SLC2A12: variants seen among roughly 807,000 people sequenced by gnomAD.
SLC2A12 encodes solute carrier family 2, facilitated glucose transporter member 12.
SLC2A12 carries 23 observed loss-of-function variants against 41.8 expected under a neutral mutation model. The observed-to-expected ratio is 0.55, with a 90% confidence interval of 0.40 to 0.78. The LOEUF is 0.78. SLC2A12 is among the 30% of genes least tolerant of loss of function. The pLI, the probability that SLC2A12 is intolerant of heterozygous loss-of-function variation, is 0.00. For synonymous variants in SLC2A12, 295 were observed against 285.9 expected, an observed-to-expected ratio of 1.03 and a Z score of -0.32; for missense variants, 654 against 745.6, an observed-to-expected ratio of 0.88 and a Z score of 1.43.
At chr6:134,046,717 A>G (rs1459275447) in intron 1 of SLC2A12, among the ~76,000 whole-genome samples, 1 of 152,152 alleles carries the variant, frequency 6.6e-6, no homozygotes, top group Non-Finnish European at 1.5e-5. Context: ...TGGCTGAGGC[A>G]CGAAAACTGC....
chr6:134,006,770 T>G, intron 3 of SLC2A12, 42 bp downstream of exon 3: 1 of 1,611,164 alleles, frequency 6.2e-7, no homozygotes, highest in Non-Finnish European at 8.5e-7. Flanking sequence ...ACATTTGTCC[T>G]ACGAGGACCA....
chr6:134,012,126 T>C (rs1468538863), intron 2 of SLC2A12, among the ~76,000 whole-genome samples: 1 of 152,230 alleles, frequency 6.6e-6, no homozygotes, highest in Admixed American at 6.5e-5. Flanking sequence ...CTTTAATTTC[T>C]TGTTCTTTTT....
Position 134,028,537 on chromosome 6 carries a change from C to T in SLC2A12, c.1288G>A (p.Gly430Arg). ...AGCAAGGATGCTGAGGTCGTCTCCC[C>T]TCTCTTATCCACATCATTTCTCAGG... ...MPLRNDVDKR[G>R]ETTSASLLNA... Residue 430 changes from glycine (G) to arginine (R), a missense_variant, in exon 2 of 5, where the codon GGG becomes AGG. Around this residue, in one of 3 missense-constraint regions of SLC2A12, gnomAD observed 411 missense variants for 412.1 expected, o/e 1.00. Transcript: ENST00000275230. The T allele has an allele frequency of 1.2e-6, 2 of 1,614,166 alleles. No homozygotes were observed. The highest frequency in any genetic ancestry group is 1.7e-6 in the Non-Finnish European group (2 of 1,180,014).
chr6:133,991,029 G>A lies in SLC2A12; in HGVS notation c.*126C>T. 1.8e-6 allele frequency: 2 copies of A among 1,112,972 alleles called. No homozygotes were observed. Among genetic ancestry groups the A allele is most frequent in the Non-Finnish European group, 2.5e-6 (2 of 797,410 alleles). The allele number at this position is 1,112,972 out of a possible 1,614,324, so 68.9% of individuals were successfully genotyped here. On this transcript the variant is annotated 3_prime_UTR_variant, in exon 5 of 5. Coordinates refer to ENST00000275230, the MANE Select transcript of SLC2A12 (RefSeq NM_145176.3). ...ATTAAAGGCTGTCTTTATCATTTCA[G>A]AGTGTCTCTTCAAAACCAGTTCCAT...
chr6:134,046,080 C>G lies in SLC2A12; in HGVS notation c.103+6298G>C, dbSNP rs968993990. On this transcript the variant is annotated intron_variant, in intron 1 of 4. Coordinates refer to ENST00000275230, the MANE Select transcript of SLC2A12 (RefSeq NM_145176.3). ...ACCCTAATTACAACTTCCATTTCCCCTGTTCTTGAAAAACTTTGCACATCT... is the reference window on the plus strand; with the variant it reads ...ACCCTAATTACAACTTCCATTTCCCGTGTTCTTGAAAAACTTTGCACATCT... Among the ~76,000 whole-genome samples the G allele has an allele frequency of 6.6e-5, 10 of 152,202 alleles. 1 individual carries two copies. The highest frequency in any genetic ancestry group is 3.9e-4 in the Admixed American group (6 of 15,286).
In SLC2A12 at chr6:134,029,511, C is replaced by G. The variant is rs151033848; in HGVS notation, c.314G>C (p.Gly105Ala). The G allele has an allele frequency of 6.2e-7, 1 of 1,614,180 alleles. No individual in the cohort carries two copies. The highest frequency in any genetic ancestry group is 1.3e-5 in the African/African-American group (1 of 75,038). The change falls in exon 2 of 5, where the codon GGA (glycine) becomes GCA (alanine). Residue 105 changes from glycine (G) to alanine (A), a missense_variant. Gly to Ala is a moderately conservative substitution (Grantham distance 60). Around this residue, in one of 3 missense-constraint regions of SLC2A12, gnomAD observed 109 missense variants for 153.0 expected, o/e 0.71. Transcript: ENST00000275230. ...LTGGVLIDRYGRRTAIILSSC... is the reference protein window; with the variant it reads ...LTGGVLIDRYARRTAIILSSC... ...TGACAAGATGATTGCTGTCCTTCTT[C>G]CATATCTGTCTATCAGGACCCCTCC...
intron 2 of SLC2A12, among the ~76,000 whole-genome samples, chr6:134,010,511 T>C (rs150674869): frequency 2.0e-5 from 3 of 152,212 alleles, no homozygotes; most frequent in African/African-American, 7.2e-5. Context: ...TTCAATCCCA[T>C]CGTTTGAGGA....
rs538081329 is a variant in SLC2A12 at position 134,052,578 on chromosome 6, A to G, written c.-98T>C. 2.2e-6 allele frequency: 2 copies of G among 890,910 alleles called. No homozygotes were observed. Among genetic ancestry groups the G allele is most frequent in the South Asian group, 1.5e-5 (1 of 66,046 alleles). 55.2% of individuals were successfully genotyped at this position (890,910 alleles called of 1,614,324 possible). On this transcript the variant is annotated 5_prime_UTR_variant, in exon 1 of 5. Transcript: ENST00000275230. Reference sequence around the variant, plus strand: ...CTTTCCCCATAATAGCATGCTAAAGAAGAGTGTGGGGAAAAACTTCGGGCA... The same window carrying G: ...CTTTCCCCATAATAGCATGCTAAAGGAGAGTGTGGGGAAAAACTTCGGGCA...
In SLC2A12 at chr6:134,028,526, G is replaced by C. The variant is rs774850004; in HGVS notation, c.1299C>G (p.Thr433=). ...ATCCAGCATTTAGCAAGGATGCTGA[G>C]GTCGTCTCCCCTCTCTTATCCACAT... ...RNDVDKRGET[T]SASLLNAGLS... is the part of the protein sequence containing the mutation. Residue 433 remains threonine, a synonymous_variant, in exon 2 of 5, where the codon ACC becomes ACG. Coordinates refer to ENST00000275230, the MANE Select transcript of SLC2A12 (RefSeq NM_145176.3). 1 of 1,614,200 alleles carries C rather than the reference G, an allele frequency of 6.2e-7. No homozygotes were observed. The highest frequency in any genetic ancestry group is 8.5e-7 in the Non-Finnish European group (1 of 1,180,026).
At chr6:134,048,246 G>T (rs1773604033) in intron 1 of SLC2A12, among the ~76,000 whole-genome samples, 1 of 152,138 alleles carries the variant, frequency 6.6e-6, no homozygotes, top group Admixed American at 6.6e-5. Context: ...TTTAAATCTG[G>T]TCTCATGACC....
intron 1 of SLC2A12, among the ~76,000 whole-genome samples, chr6:134,041,535 G>C (rs890536188): frequency 6.6e-5 from 10 of 152,094 alleles, no homozygotes; most frequent in Non-Finnish European, 1.3e-4. Context: ...TGACAGGATG[G>C]GGGATGGGAT....
intron 1 of SLC2A12, among the ~76,000 whole-genome samples, chr6:134,046,645 A>T (rs904704445): frequency 2.0e-5 from 3 of 151,748 alleles, no homozygotes; most frequent in Non-Finnish European, 4.4e-5. Context: ...CTAAAAAAAA[A>T]TATATATATA....
At chr6:134,046,618 T>C (rs957187033) in intron 1 of SLC2A12, among the ~76,000 whole-genome samples, 1 of 152,008 alleles carries the variant, frequency 6.6e-6, no homozygotes, top group Non-Finnish European at 1.5e-5. Context: ...CTGGGCAACA[T>C]GGTGAAACCG....
chr6:134,032,305 AC>A (rs1777218996), intron 1 of SLC2A12, among the ~76,000 whole-genome samples: 1 of 151,132 alleles, frequency 6.6e-6, no homozygotes, highest in South Asian at 2.1e-4. Flanking sequence ...TTTGAACAAA[AC>A]CCAGTAAACT....
Position 134,006,773 on chromosome 6 carries a change from G to A in SLC2A12, c.1567+39C>T, listed in dbSNP as rs764497370. On this transcript the variant is annotated intron_variant, in intron 3 of 4. Transcript: ENST00000275230. Reference sequence around the variant, plus strand: ...TGTGATTCCCTAACATTTGTCCTACGAGGACCAAAGACATTAGAGGAAAAC... The same window carrying A: ...TGTGATTCCCTAACATTTGTCCTACAAGGACCAAAGACATTAGAGGAAAAC... 68 of 1,611,408 alleles carry A rather than the reference G, an allele frequency of 4.2e-5. 1 individual carries two copies. The highest frequency in any genetic ancestry group is 4.9e-5 in the Non-Finnish European group (58 of 1,178,834).
intron 1 of SLC2A12, among the ~76,000 whole-genome samples, chr6:134,048,641 ATT>A (rs762810695): frequency 8.5e-5 from 13 of 152,224 alleles, no homozygotes; most frequent in Admixed American, 5.9e-4. Context: ...AGACACAATC[ATT>A]GTTATCAGAT....
At chr6:134,006,779 C>A in intron 3 of SLC2A12, 33 bp downstream of exon 3, 1 of 1,612,538 alleles carries the variant, frequency 6.2e-7, no homozygotes, top group Non-Finnish European at 8.5e-7. Flanking sequence ...CTACGAGGAC[C>A]AAAGACATTA....
At chr6:134,004,064 A>G (rs1776782808) in intron 3 of SLC2A12, among the ~76,000 whole-genome samples, 1 of 152,202 alleles carries the variant, frequency 6.6e-6, no homozygotes, top group Non-Finnish European at 1.5e-5. Context: ...GTTTTCCTAC[A>G]TTTGTTCTAA....
At chr6:134,007,708 G>A (rs377321466) in intron 2 of SLC2A12, among the ~76,000 whole-genome samples, 18 of 152,266 alleles carry the variant, frequency 1.2e-4, no homozygotes, top group African/African-American at 4.3e-4. Flanking sequence ...ATCAAGCCCA[G>A]TTTGCCTAAT....
Sources: allele counts gnomAD v4.1 joint callset (sites outside exome capture counted in the v4.1 genomes callset), GRCh38; gene constraint gnomAD v4.1.1; regional missense constraint gnomAD v4.1.1; transcripts MANE v1.5; gene names NCBI Gene and HGNC (gene_info 2026-07-23, HGNC 2026-07-21).